CCDC141: variants seen among roughly 807,000 people sequenced by gnomAD.
CCDC141 encodes the protein coiled-coil domain containing 141.
Under a neutral mutation model 181.0 loss-of-function variants are expected in CCDC141, and 168 were observed. The observed-to-expected ratio is 0.93, with a 90% CI of 0.82 to 1.05. The LOEUF (loss-of-function observed/expected upper bound fraction) is 1.05, where lower values mean the gene tolerates loss of function less well. CCDC141 is among the 50% of genes least tolerant of loss of function. CCDC141 has a pLI of 0.00. For synonymous variants in CCDC141, 666 were observed against 642.3 expected (o/e 1.04, Z -0.56); for missense variants, 1,902 against 1,788.5 (o/e 1.06, Z -1.14).
chr2:178,979,025 G>A (rs989067312), intron 2 of CCDC141, among the ~76,000 whole-genome samples: 6 of 152,150 alleles, frequency 3.9e-5, no homozygotes, highest in Non-Finnish European at 5.9e-5. Context: ...CCTGAAGAGT[G>A]ATCAAGAATA....
intron 17 of CCDC141, among the ~76,000 whole-genome samples, chr2:178,861,951 C>T (rs1305945075): frequency 6.6e-6 from 1 of 152,196 alleles, no homozygotes; most frequent in Non-Finnish European, 1.5e-5. Flanking sequence ...TGTGCAAACT[C>T]TTTCTCTGCT....
the CCDC141 span, among the ~76,000 whole-genome samples, chr2:178,822,244 C>T: frequency 6.6e-6 from 1 of 151,452 alleles, no homozygotes; most frequent in Non-Finnish European, 1.5e-5. Flanking sequence ...ACATCACACA[C>T]CGGGGCCTGT....
chr2:178,916,135 A>T (rs547264633), intron 7 of CCDC141, among the ~76,000 whole-genome samples: 1 of 152,284 alleles, frequency 6.6e-6, no homozygotes, highest in South Asian at 2.1e-4. Flanking sequence ...TTCCTCTAAG[A>T]ACAGGAATGT....
intron 7 of CCDC141, among the ~76,000 whole-genome samples, chr2:178,908,413 C>T (rs1217372006): frequency 5.3e-5 from 8 of 152,070 alleles, no homozygotes; most frequent in African/African-American, 1.4e-4. Flanking sequence ...AGGCTGGTCT[C>T]GAACTCCTGA....
intron 2 of CCDC141, among the ~76,000 whole-genome samples, chr2:179,024,680 TCAAA>T (rs1384865913): frequency 2.6e-4 from 40 of 152,342 alleles, no homozygotes; most frequent in African/African-American, 9.6e-4. Flanking sequence ...GTCAGCTTCC[TCAAA>T]CACACTGCTG....
intron 4 of CCDC141, among the ~76,000 whole-genome samples, chr2:178,966,148 C>T (rs1021442974): frequency 1.3e-5 from 2 of 152,232 alleles, no homozygotes; most frequent in East Asian, 1.9e-4. Context: ...TCCCATCTCC[C>T]TGGGATAGAG....
Position 178,903,979 on chromosome 2 carries a change from T to C in CCDC141, c.1265+1350A>G, listed in dbSNP as rs1345661994. ...ATCAATGTCCGACATGTACCCCGAG[T>C]CCAGGCACAATAAGTGTCTCTTCTA... is the stretch of plus-strand genomic sequence containing the variant. On this transcript the variant is annotated intron_variant, in intron 8 of 23. Coordinates refer to ENST00000443758, the MANE Select transcript of CCDC141 (RefSeq NM_173648.4). Among the ~76,000 whole-genome samples the C allele has an allele frequency of 2.0e-5, 3 of 151,976 alleles. No homozygotes were observed. In the East Asian group the frequency reaches 5.8e-4, roughly 29 times the overall value.
intron 12 of CCDC141, chr2:178,873,647 T>A (rs1686220751): frequency 6.6e-6 from 1 of 152,164 alleles, no homozygotes; most frequent in Non-Finnish European, 1.5e-5. Context: ...GCTAGTAGGA[T>A]CTGTGAAAAG....
intron 17 of CCDC141, among the ~76,000 whole-genome samples, chr2:178,863,117 T>C (rs1038929183): frequency 6.6e-6 from 1 of 152,240 alleles, no homozygotes; most frequent in Non-Finnish European, 1.5e-5. Flanking sequence ...ATCATAAGCA[T>C]GTTGGTGCCC....
chr2:178,866,667 T>C (rs1378937016), intron 16 of CCDC141, among the ~76,000 whole-genome samples: 4 of 152,184 alleles, frequency 2.6e-5, no homozygotes, highest in Non-Finnish European at 4.4e-5. Context: ...AAGTTAGAAA[T>C]CTGGAAAAGG....
At chr2:178,959,157 G>C (rs7594276) in intron 5 of CCDC141, among the ~76,000 whole-genome samples, 357 of 151,986 alleles carry the variant, frequency 2.3e-3, no homozygotes, top group African/African-American at 8.2e-3. Flanking sequence ...GTGGGGGAAG[G>C]GGGGAGGGAT....
intron 2 of CCDC141, among the ~76,000 whole-genome samples, chr2:179,039,359 A>G (rs1266360686): frequency 6.6e-6 from 1 of 152,210 alleles, no homozygotes; most frequent in African/African-American, 2.4e-5. Context: ...AGCAGAAAAT[A>G]GCTTTTCTAT....
intron 8 of CCDC141, among the ~76,000 whole-genome samples, chr2:178,891,367 C>T (rs954586785): frequency 1.4e-4 from 21 of 152,090 alleles, no homozygotes; most frequent in African/African-American, 4.8e-4. Flanking sequence ...CAGTAACTGG[C>T]CCAGTTCTGA....
intron 14 of CCDC141, among the ~76,000 whole-genome samples, chr2:178,869,730 A>G (rs751203665): frequency 3.3e-5 from 5 of 152,222 alleles, no homozygotes; most frequent in Non-Finnish European, 7.3e-5. Flanking sequence ...TATCAGGGGA[A>G]TAACTTGTGC....
At chr2:179,022,269 T>C (rs1201511338) in intron 2 of CCDC141, among the ~76,000 whole-genome samples, 2 of 152,204 alleles carry the variant, frequency 1.3e-5, no homozygotes, top group African/African-American at 2.4e-5. Flanking sequence ...TGTGTTTTAC[T>C]GGGGAATCTG....
chr2:178,854,193 G>C (rs1685285001), intron 19 of CCDC141, among the ~76,000 whole-genome samples: 1 of 152,210 alleles, frequency 6.6e-6, no homozygotes, highest in Non-Finnish European at 1.5e-5. Flanking sequence ...AATGGTTATA[G>C]TTTCCAAACA....
At chr2:178,869,515 A>G (rs917253846) in intron 14 of CCDC141, among the ~76,000 whole-genome samples, 2 of 152,214 alleles carry the variant, frequency 1.3e-5, no homozygotes, top group African/African-American at 4.8e-5. Context: ...ACAAAAAAAA[A>G]TAGCATGAGC....
chr2:179,044,318 TA>T, intron 2 of CCDC141, among the ~76,000 whole-genome samples: 1 of 152,178 alleles, frequency 6.6e-6, no homozygotes, highest in Non-Finnish European at 1.5e-5. Context: ...TTAAAATTCA[TA>T]TGAAACCAAA....
At chr2:178,990,814 G>T (rs989055523) in intron 2 of CCDC141, among the ~76,000 whole-genome samples, 2 of 152,106 alleles carry the variant, frequency 1.3e-5, no homozygotes. Context: ...GGTGAATAAG[G>T]AGTCACTATG....
Sources: allele counts gnomAD v4.1 joint callset (sites outside exome capture counted in the v4.1 genomes callset), GRCh38; gene constraint gnomAD v4.1.1; transcripts MANE v1.5; gene names NCBI Gene and HGNC (gene_info 2026-07-23, HGNC 2026-07-21).